The following PARVA variants were observed in gnomAD, a reference collection of about 807,000 sequenced individuals.
PARVA encodes the protein parvin alpha.
Under a neutral mutation model 52.6 loss-of-function variants are expected in PARVA, and 25 were observed. The observed-to-expected ratio is 0.48, with a 90% CI of 0.35 to 0.66. The LOEUF (loss-of-function observed/expected upper bound fraction) is 0.66. Ranked by LOEUF, PARVA falls within the 30% of genes least tolerant of loss-of-function variation. The pLI, the probability that PARVA is intolerant of heterozygous loss-of-function variation, is 0.01. For missense variants in PARVA, 373 were observed against 450.9 expected, an observed-to-expected ratio of 0.83 and a Z score of 1.56; for synonymous variants, 185 against 179.1, an observed-to-expected ratio of 1.03 and a Z score of -0.26.
upstream of PARVA, chr11:12,377,508 G>C: frequency 7.0e-7 from 1 of 1,421,536 alleles, no homozygotes. Flanking sequence ...GAAGGGAAAG[G>C]CGAGCGTGAG....
chr11:12,450,910 C>A (rs1340595110), intron 1 of PARVA, among the ~76,000 whole-genome samples: 1 of 152,198 alleles, frequency 6.6e-6, no homozygotes, highest in Non-Finnish European at 1.5e-5. Flanking sequence ...TGGTGCCCAC[C>A]CAGACTGAGG....
At chr11:12,377,230 GGAAGACCCCGGGAGAGTAGCA>G, upstream of PARVA, 1 of 353,570 alleles carries the variant, frequency 2.8e-6, no homozygotes, top group Non-Finnish European at 5.0e-6. Context: ...GCCGCCGGCT[GGAAGACCCCGGGAGAGTAGCA>G]GGGTTGGGTT....
intron 1 of PARVA, among the ~76,000 whole-genome samples, chr11:12,439,994 C>G (rs548501947): frequency 6.6e-6 from 1 of 152,320 alleles, no homozygotes; most frequent in Non-Finnish European, 1.5e-5. Flanking sequence ...CAACCTGTCA[C>G]TGCTGGCGTA....
At chr11:12,487,609 T>C (rs1941176664) in intron 4 of PARVA, among the ~76,000 whole-genome samples, 2 of 152,206 alleles carry the variant, frequency 1.3e-5, no homozygotes, top group Non-Finnish European at 1.5e-5. Context: ...TTCTGCTGAA[T>C]AGCCCTGCTT....
At chr11:12,425,755 GCAAA>G (rs1006099475) in intron 1 of PARVA, among the ~76,000 whole-genome samples, 13 of 152,260 alleles carry the variant, frequency 8.5e-5, no homozygotes, top group African/African-American at 3.1e-4. Flanking sequence ...CTTTTGTTTA[GCAAA>G]CAGAGTCCAC....
chr11:12,435,345 C>T (rs1445028297), intron 1 of PARVA, among the ~76,000 whole-genome samples: 1 of 152,198 alleles, frequency 6.6e-6, no homozygotes, highest in Non-Finnish European at 1.5e-5. Flanking sequence ...AGCCAAGATC[C>T]TGATTCCAGA....
At chr11:12,450,460 A>G (rs1940607309) in intron 1 of PARVA, among the ~76,000 whole-genome samples, 1 of 152,234 alleles carries the variant, frequency 6.6e-6, no homozygotes, top group Admixed American at 6.5e-5. Flanking sequence ...GTCTGCCAAT[A>G]CTACATATGC....
chr11:12,460,976 AC>A (rs1378259886), intron 1 of PARVA, among the ~76,000 whole-genome samples: 6 of 152,158 alleles, frequency 3.9e-5, no homozygotes, highest in African/African-American at 1.4e-4. Flanking sequence ...TTGGTTCAGG[AC>A]TGTGTGAGGG....
chr11:12,482,349 G>C (rs1035877072), intron 4 of PARVA, among the ~76,000 whole-genome samples: 2 of 151,790 alleles, frequency 1.3e-5, no homozygotes, highest in South Asian at 2.1e-4. Flanking sequence ...AAAGCTGGCC[G>C]GGTGTGGTGG....
chr11:12,532,216 T>G lies in PARVA; in HGVS notation c.*4291T>G, dbSNP rs1429790325. Among the ~76,000 whole-genome samples the G allele has an allele frequency of 6.6e-6, 1 of 151,948 alleles. No individual in the cohort carries two copies. The highest frequency in any genetic ancestry group is 1.5e-5 in the Non-Finnish European group (1 of 67,994). On this transcript the variant is annotated 3_prime_UTR_variant, in exon 13 of 13. Coordinates refer to ENST00000334956, the MANE Select transcript of PARVA (RefSeq NM_018222.5). The stretch of plus-strand genomic sequence containing the variant: ...CCCAGTAGGATCCTGCAAGAAAGCA[T>G]CTCTTAAAAATAAATTCTACAGGAT...
At chr11:12,395,088 T>C (rs1477385594) in intron 1 of PARVA, among the ~76,000 whole-genome samples, 1 of 119,918 alleles carries the variant, frequency 8.3e-6, no homozygotes, top group Non-Finnish European at 1.7e-5. Context: ...CGAAACTCCA[T>C]CTCAAAAAAA....
chr11:12,532,223 A>G lies in PARVA; in HGVS notation c.*4298A>G, dbSNP rs2135098903. Among the ~76,000 whole-genome samples the G allele has an allele frequency of 6.6e-6, 1 of 152,320 alleles. No individual in the cohort carries two copies. Among genetic ancestry groups the G allele is most frequent in the East Asian group, 1.9e-4 (1 of 5,186 alleles). ...GGATCCTGCAAGAAAGCATCTCTTA[A>G]AAATAAATTCTACAGGATATTAGTA... On this transcript the variant is annotated 3_prime_UTR_variant, in exon 13 of 13. Coordinates refer to ENST00000334956, the MANE Select transcript of PARVA (RefSeq NM_018222.5).
chr11:12,514,402 C>G (rs1941544070), intron 10 of PARVA, among the ~76,000 whole-genome samples: 1 of 152,208 alleles, frequency 6.6e-6, no homozygotes, highest in Admixed American at 6.5e-5. Context: ...ACACAATTAT[C>G]AAAGGCAGGC....
At chr11:12,400,788 G>C (rs1050173856) in intron 1 of PARVA, among the ~76,000 whole-genome samples, 1 of 152,084 alleles carries the variant, frequency 6.6e-6, no homozygotes, top group Non-Finnish European at 1.5e-5. Context: ...GTTAATTATA[G>C]GGAAAGCAAG....
chr11:12,494,106 C>G (rs951925176), intron 4 of PARVA, among the ~76,000 whole-genome samples: 1 of 152,196 alleles, frequency 6.6e-6, no homozygotes, highest in African/African-American at 2.4e-5. Context: ...TCAAAATCAG[C>G]CAAAAGGAAG....
intron 1 of PARVA, among the ~76,000 whole-genome samples, chr11:12,392,744 T>G (rs1023531731): frequency 6.6e-6 from 1 of 152,200 alleles, no homozygotes; most frequent in African/African-American, 2.4e-5. Context: ...CCTAGGAGTA[T>G]ACACTCAAGT....
At chr11:12,377,263 G>C, upstream of PARVA, 1 of 459,834 alleles carries the variant, frequency 2.2e-6, no homozygotes, top group South Asian at 5.8e-5. Context: ...GGTTGGGTTG[G>C]TTCTCAGATG....
At chr11:12,410,825 A>G (rs928026439) in intron 1 of PARVA, among the ~76,000 whole-genome samples, 11 of 152,270 alleles carry the variant, frequency 7.2e-5, no homozygotes, top group African/African-American at 2.7e-4. Context: ...CTTCTTTTTC[A>G]ATAAAGTATC....
chr11:12,508,395 G>A (rs138968315), intron 6 of PARVA, among the ~76,000 whole-genome samples, 189 bp from the exon 7 acceptor site: 4 of 152,142 alleles, frequency 2.6e-5, no homozygotes, highest in South Asian at 2.1e-4. Flanking sequence ...TTGCACTTGC[G>A]TCCTAATGGT....
Sources: allele counts gnomAD v4.1 joint callset (sites outside exome capture counted in the v4.1 genomes callset), GRCh38; gene constraint gnomAD v4.1.1; transcripts MANE v1.5; gene names NCBI Gene and HGNC (gene_info 2026-07-23, HGNC 2026-07-21).